The following ABCG8 variants were observed in gnomAD, a reference collection of about 807,000 sequenced individuals.
The protein encoded by ABCG8 is ATP binding cassette subfamily G member 8.
In ABCG8, 81 loss-of-function variants were observed where a neutral mutation model predicts 71.3. The observed-to-expected ratio is 1.14, with a 90% confidence interval of 0.95 to 1.37. The LOEUF (loss-of-function observed/expected upper bound fraction) is 1.37. Ranked by LOEUF, ABCG8 falls within the 40% of genes most tolerant of loss-of-function variation. The pLI, the probability that ABCG8 is intolerant of heterozygous loss-of-function variation, is 0.00. For missense variants in ABCG8, 1,119 were observed against 866.2 expected (o/e 1.29, Z -3.66); for synonymous variants, 451 against 354.7 (o/e 1.27, Z -3.05).
chr2:43,859,712 T>A (rs1669238575), intron 6 of ABCG8, among the ~76,000 whole-genome samples: 1 of 151,482 alleles, frequency 6.6e-6, no homozygotes, highest in South Asian at 2.1e-4. Context: ...ACTCTCACTA[T>A]CTATCTTGAT....
chr2:43,876,324 C>T (rs1669957029), intron 11 of ABCG8, among the ~76,000 whole-genome samples: 1 of 152,232 alleles, frequency 6.6e-6, no homozygotes. Flanking sequence ...CATCAGAGAA[C>T]TTGGGCCAGA....
Position 43,878,206 on chromosome 2 carries a change from A to G in ABCG8, c.*293A>G. ...ATTTCCTTTTGATATGCATTTATAT[A>G]GGCAACTCGATATAGGATGGGAGCA... On this transcript the variant is annotated 3_prime_UTR_variant, in exon 13 of 13. Transcript: ENST00000272286. The G allele has an allele frequency of 6.9e-6, 3 of 436,190 alleles. No homozygotes were observed. The highest frequency in any genetic ancestry group is 1.3e-5 in the Non-Finnish European group (3 of 232,910). 27.0% of individuals were successfully genotyped at this position (436,190 alleles called of 1,614,324 possible).
intron 3 of ABCG8, chr2:43,846,884 T>C: frequency 5.5e-6 from 1 of 182,566 alleles, no homozygotes; most frequent in South Asian, 1.3e-4. Context: ...ATTCTCATCA[T>C]GTTCCACCTT....
rs1263926294 is a variant in ABCG8, at chr2:43,878,814, A to T, written c.*901A>T. 6.6e-6 allele frequency: 1 copy of T among 152,226 alleles called. No individual in the cohort carries two copies. Among genetic ancestry groups the T allele is most frequent in the Non-Finnish European group, 1.5e-5 (1 of 68,080 alleles). The allele number at this position is 152,226 out of a possible 1,614,324, so 9.4% of individuals were successfully genotyped here. ...CCAAATCTCACCTTGAATTGTAATA[A>T]TCCCCAAGTGTCAAGGGCGGGACCA... On this transcript the variant is annotated 3_prime_UTR_variant, in exon 13 of 13. Coordinates refer to ENST00000272286, the MANE Select transcript of ABCG8 (RefSeq NM_022437.3).
In ABCG8 at chr2:43,879,533, T is replaced by C. The variant is rs957843736; in HGVS notation, c.*1620T>C. 6.6e-6 allele frequency: 1 copy of C among 152,190 alleles called. No individual in the cohort carries two copies. The highest frequency in any genetic ancestry group is 2.4e-5 in the African/African-American group (1 of 41,440). 9.4% of individuals were successfully genotyped at this position (152,190 alleles called of 1,614,324 possible). Reference sequence around the variant, plus strand: ...GCATGCTGCCGTTTTCCAAAGCACTTGCAACACTCAGGATGCTTGCACGGT... The same window carrying C: ...GCATGCTGCCGTTTTCCAAAGCACTCGCAACACTCAGGATGCTTGCACGGT... On this transcript the variant is annotated 3_prime_UTR_variant, in exon 13 of 13. Transcript: ENST00000272286.
intron 4 of ABCG8, 116 bp downstream of exon 4, chr2:43,851,938 C>T (rs761683403): frequency 8.2e-7 from 1 of 1,213,936 alleles, no homozygotes. Context: ...TTGAACAACT[C>T]AGCTTGCCTT....
chr2:43,864,461 T>C (rs923320759), intron 6 of ABCG8, among the ~76,000 whole-genome samples: 2 of 151,768 alleles, frequency 1.3e-5, no homozygotes, highest in Non-Finnish European at 3.0e-5. Context: ...GAATTCTCAC[T>C]CTCTGGATAG....
chr2:43,849,566 C>T (rs1022443803), intron 3 of ABCG8, among the ~76,000 whole-genome samples: 1 of 152,154 alleles, frequency 6.6e-6, no homozygotes, highest in African/African-American at 2.4e-5. Context: ...GACACAGAGC[C>T]AAACCATATC....
At chr2:43,864,872 A>G (rs1273266578) in intron 6 of ABCG8, among the ~76,000 whole-genome samples, 3 of 137,014 alleles carry the variant, frequency 2.2e-5, no homozygotes, top group South Asian at 5.0e-4. Flanking sequence ...ATCTGGACGG[A>G]ATTCTCACTC....
chr2:43,875,538 C>A, intron 11 of ABCG8, 125 bp downstream of exon 11: 2 of 1,283,886 alleles, frequency 1.6e-6, no homozygotes, highest in Non-Finnish European at 2.1e-6. Flanking sequence ...CTTCTGGAAG[C>A]AGAGGCCTTT....
intron 8 of ABCG8, among the ~76,000 whole-genome samples, chr2:43,872,703 C>T (rs1267924191): frequency 6.6e-6 from 1 of 152,056 alleles, no homozygotes; most frequent in Non-Finnish European, 1.5e-5. Flanking sequence ...AGCAAGACCC[C>T]ATCTCAAAAA....
At chr2:43,856,549 T>C (rs891860131) in intron 6 of ABCG8, among the ~76,000 whole-genome samples, 1 of 152,062 alleles carries the variant, frequency 6.6e-6, no homozygotes, top group African/African-American at 2.4e-5. Context: ...TCTCACTTTC[T>C]ATCTGGATAG....
At chr2:43,873,665 C>T in intron 8 of ABCG8, 122 bp from the exon 9 acceptor site, 1 of 927,754 alleles carries the variant, frequency 1.1e-6, no homozygotes, top group South Asian at 1.3e-5. Context: ...CTCTATGAGG[C>T]AGGTATTACC....
At chr2:43,843,539 G>C (rs1164973992) in intron 1 of ABCG8, among the ~76,000 whole-genome samples, 1 of 152,030 alleles carries the variant, frequency 6.6e-6, no homozygotes, top group Non-Finnish European at 1.5e-5. Context: ...AATTAGCTGG[G>C]TGTGGTGGGG....
chr2:43,844,754 G>A, intron 2 of ABCG8, 146 bp downstream of exon 2: 1 of 661,680 alleles, frequency 1.5e-6, no homozygotes, highest in Non-Finnish European at 2.7e-6. Flanking sequence ...TCACGTGTCA[G>A]GTGCAATAGG....
chr2:43,854,523 A>C (rs1669034334), intron 6 of ABCG8, among the ~76,000 whole-genome samples: 1 of 149,512 alleles, frequency 6.7e-6, no homozygotes, highest in Admixed American at 6.7e-5. Flanking sequence ...GCTACTTGGG[A>C]GGCTGAGGCA....
At chr2:43,851,898 C>T (rs1558809298) in intron 4 of ABCG8, 76 bp downstream of exon 4, 3 of 1,514,392 alleles carry the variant, frequency 2.0e-6, no homozygotes, top group Non-Finnish European at 2.7e-6. Context: ...CCCCTGCTGC[C>T]TTGCCTCAGG....
intron 6 of ABCG8, among the ~76,000 whole-genome samples, chr2:43,870,515 A>T (rs910648785): frequency 3.9e-5 from 6 of 152,116 alleles, no homozygotes; most frequent in African/African-American, 1.4e-4. Flanking sequence ...CTATCTGGAT[A>T]GAATTCTCAC....
At chr2:43,853,880 C>T (rs1185214701) in intron 6 of ABCG8, among the ~76,000 whole-genome samples, 1 of 152,152 alleles carries the variant, frequency 6.6e-6, no homozygotes, top group Admixed American at 6.5e-5. Context: ...ACCATCCTTC[C>T]CCCAGGAGGA....
Sources: gnomAD v4.1 joint callset for allele counts (sites outside exome capture counted in the v4.1 genomes callset) on GRCh38, gnomAD v4.1.1 for gene constraint, MANE v1.5 for transcripts, NCBI Gene and HGNC (gene_info 2026-07-23, HGNC 2026-07-21) for gene names.